The following FANK1 variants were observed in gnomAD, a reference collection of about 807,000 sequenced individuals.
FANK1 encodes the protein fibronectin type III and ankyrin repeat domains 1.
FANK1 carries 44 observed loss-of-function variants against 45.3 expected under a neutral mutation model. That is an observed-to-expected ratio of 0.97 (90% CI 0.76 to 1.25). The LOEUF is 1.25. FANK1 is among the 50% of genes most tolerant of loss of function. The pLI is 0.00. For synonymous variants in FANK1, 149 were observed against 152.5 expected, an observed-to-expected ratio of 0.98 and a Z score of 0.17; for missense variants, 391 against 424.4, an observed-to-expected ratio of 0.92 and a Z score of 0.69.
At chr10:125,945,366 G>C (rs1250413615) in intron 1 of FANK1, among the ~76,000 whole-genome samples, 1 of 152,216 alleles carries the variant, frequency 6.6e-6, no homozygotes, top group Non-Finnish European at 1.5e-5. Context: ...GGGAGTGCCA[G>C]ACAGTGGGCG....
chr10:126,008,596 T>C lies in FANK1; in HGVS notation c.849+46T>C, dbSNP rs2292690. ...TAGGCAGTTTTCTACGTGGAATTAA[T>C]GTCAGAGCTTTTTCTGTAATTAGAC... On this transcript the variant is annotated intron_variant, in intron 8 of 10. Coordinates refer to ENST00000368693, the MANE Select transcript of FANK1 (RefSeq NM_145235.5). 2.7e-3 allele frequency: 4,295 copies of C among 1,569,972 alleles called. 97 individuals are homozygous for C. In the African/African-American group the frequency reaches 0.052, roughly 19 times the overall value.
chr10:126,004,829 G>A (rs563505714), intron 6 of FANK1, 55 bp from the exon 7 acceptor site: 2 of 1,585,860 alleles, frequency 1.3e-6, no homozygotes, highest in Non-Finnish European at 1.7e-6. Context: ...AAAAGGTGGA[G>A]CTGAGTTTGG....
At chr10:125,995,557 C>T (rs1952266130) in intron 4 of FANK1, 59 bp downstream of exon 4, 15 of 1,461,644 alleles carry the variant, frequency 1.0e-5, no homozygotes, top group Non-Finnish European at 1.4e-5. Context: ...CATAGAAATA[C>T]ATGCAGTAGT....
intron 1 of FANK1, among the ~76,000 whole-genome samples, chr10:125,914,098 A>C (rs1018221358): frequency 5.3e-5 from 8 of 152,022 alleles, no homozygotes; most frequent in African/African-American, 1.9e-4. Context: ...AACTCTTCTA[A>C]ACTTTCTAAG....
At chr10:125,990,752 A>G (rs935365328) in intron 3 of FANK1, among the ~76,000 whole-genome samples, 2 of 152,196 alleles carry the variant, frequency 1.3e-5, no homozygotes, top group African/African-American at 4.8e-5. Context: ...ACTGCTAATA[A>G]AGACATACCT....
At chr10:125,927,273 A>G (rs1947416646) in intron 1 of FANK1, among the ~76,000 whole-genome samples, 1 of 152,192 alleles carries the variant, frequency 6.6e-6, no homozygotes, top group African/African-American at 2.4e-5. Context: ...CACCCAGCTC[A>G]GTCTACTGGG....
In FANK1 at chr10:126,003,731, A is replaced by G. The variant is rs1952955263; in HGVS notation, c.540-1153A>G. Among the ~76,000 whole-genome samples, 6 of 151,984 alleles carry G rather than the reference A, an allele frequency of 3.9e-5. 1 individual carries two copies. The South Asian group carries it at 1.2e-3, about 32-fold the overall frequency. ...TGCTCTCTCTCCCAGGTTGGAGTGCAGTGGCATGATCTCGGCTCACTGCAA... is the reference window on the plus strand; with the variant it reads ...TGCTCTCTCTCCCAGGTTGGAGTGCGGTGGCATGATCTCGGCTCACTGCAA... On this transcript the variant is annotated intron_variant, in intron 6 of 10. Coordinates refer to ENST00000368693, the MANE Select transcript of FANK1 (RefSeq NM_145235.5).
intron 1 of FANK1, among the ~76,000 whole-genome samples, chr10:125,917,936 A>G (rs1344619515): frequency 0.013 from 1,972 of 152,036 alleles, no homozygotes; most frequent in African/African-American, 0.045. Context: ...AAGAAAAGTC[A>G]GGTGTGGTGG....
intron 3 of FANK1, among the ~76,000 whole-genome samples, chr10:125,992,721 G>T (rs981969015): frequency 6.6e-6 from 1 of 152,064 alleles, no homozygotes; most frequent in African/African-American, 2.4e-5. Context: ...TGTCCCCACC[G>T]AGAGAGCCTT....
chr10:125,949,957 C>T (rs559683288), intron 1 of FANK1, among the ~76,000 whole-genome samples: 47 of 128,184 alleles, frequency 3.7e-4, no homozygotes, highest in African/African-American at 8.3e-4. Flanking sequence ...TCAGAAATAA[C>T]GCCGCATATC....
intron 2 of FANK1, among the ~76,000 whole-genome samples, chr10:125,984,948 G>A (rs756631612): frequency 2.0e-5 from 3 of 152,172 alleles, no homozygotes; most frequent in East Asian, 1.9e-4. Flanking sequence ...TCCTCCCTGC[G>A]CCTGTGTTGT....
rs112165601 is a variant in FANK1 at position 125,960,234 on chromosome 10, G to T, written c.14-19927G>T. On this transcript the variant is annotated intron_variant, in intron 1 of 10. Coordinates refer to ENST00000368693, the MANE Select transcript of FANK1 (RefSeq NM_145235.5). ...GCACAGGATCTGGACTCCAGGAGGG[G>T]GGTTACTTCCTGCTGGAACACTGAC... The T allele has an allele frequency of 9.7e-3, 2,838 of 293,344 alleles. 84 individuals are homozygous for T. Among genetic ancestry groups the T allele is most frequent in the African/African-American group, 0.059 (2,650 of 44,692 alleles). 18.2% of individuals were successfully genotyped at this position (293,344 alleles called of 1,614,324 possible).
chr10:125,968,001 C>T (rs896153394), intron 1 of FANK1, among the ~76,000 whole-genome samples: 1 of 151,974 alleles, frequency 6.6e-6, no homozygotes, highest in African/African-American at 2.4e-5. Context: ...TCTTAAACAA[C>T]ACTGAATATT....
At chr10:125,928,073 G>T (rs1051927256) in intron 1 of FANK1, among the ~76,000 whole-genome samples, 2 of 152,074 alleles carry the variant, frequency 1.3e-5, no homozygotes, top group South Asian at 2.1e-4. Flanking sequence ...CCAAGAGAGG[G>T]TTATTGGATC....
At position 125,979,891 on chromosome 10, in the gene FANK1, C is replaced by T. The variant is rs1443907481; in HGVS notation, c.14-270C>T. ...AACCTTATTAGTTTGATATGTTAAG[C>T]AGCCCTTTGGAAGGGTCAGTGGGGG... On this transcript the variant is annotated intron_variant, in intron 1 of 10. Transcript: ENST00000368693. The T allele has an allele frequency of 1.2e-5, 7 of 567,736 alleles. No homozygotes were observed. In the East Asian group the frequency reaches 2.9e-4, roughly 23 times the overall value. The allele number at this position is 567,736 out of a possible 1,614,324, so 35.2% of individuals were successfully genotyped here. A position where few individuals can be genotyped will look rare whatever the true frequency, so the allele number is the denominator to read the frequency against.
At chr10:125,954,209 C>T (rs2134170670) in intron 1 of FANK1, among the ~76,000 whole-genome samples, 1 of 144,234 alleles carries the variant, frequency 6.9e-6, no homozygotes, top group Middle Eastern at 3.4e-3. Context: ...GGGTAATTTA[C>T]AGAGCGGGTA....
chr10:125,914,002 C>A (rs1457033468), intron 1 of FANK1, among the ~76,000 whole-genome samples: 1 of 152,038 alleles, frequency 6.6e-6, no homozygotes, highest in Non-Finnish European at 1.5e-5. Context: ...GGGGATGGAT[C>A]TCCTTCTCCA....
At chr10:125,954,010 A>C (rs1375759144) in intron 1 of FANK1, among the ~76,000 whole-genome samples, 2 of 148,118 alleles carry the variant, frequency 1.4e-5, no homozygotes, top group Non-Finnish European at 3.0e-5. Flanking sequence ...CCATGAGAGC[A>C]CACCGAACGA....
At position 125,983,209 on chromosome 10, in the gene FANK1, ATTCT is replaced by A. The variant is rs1402212082; in HGVS notation, c.191+2877_191+2880del. On this transcript the variant is annotated intron_variant, in intron 2 of 10. Coordinates refer to ENST00000368693, the MANE Select transcript of FANK1 (RefSeq NM_145235.5). The surrounding 1 kb of genome is among the most constrained non-coding windows in gnomAD (Gnocchi z 4.3). ...TGGACAGATTTTCCCCTCTCACCCT[ATTCT>A]TTCTTCTGCCCTGGTCAGATTTTAC... 6.6e-6 allele frequency among the ~76,000 whole-genome samples: 1 copy of A among 151,862 alleles called. No individual in the cohort carries two copies. The highest frequency in any genetic ancestry group is 2.4e-5 in the African/African-American group (1 of 41,322).
Sources: gnomAD v4.1 joint callset for allele counts (sites outside exome capture counted in the v4.1 genomes callset) on GRCh38, gnomAD v4.1.1 for gene constraint, Gnocchi (gnomAD v3.1) non-coding constraint, MANE v1.5 for transcripts, NCBI Gene and HGNC (gene_info 2026-07-23, HGNC 2026-07-21) for gene names.